The following HMBOX1 variants were observed in gnomAD, a reference collection of about 807,000 sequenced individuals.
HMBOX1 encodes the protein homeobox containing 1.
HMBOX1 carries 14 observed loss-of-function variants against 54.5 expected under a neutral mutation model. The ratio of observed to expected loss-of-function variants is 0.26; its 90% confidence interval spans 0.17 to 0.40. HMBOX1 has a LOEUF of 0.40. HMBOX1 is among the 10% of genes least tolerant of loss of function. The probability of loss-of-function intolerance (pLI) is 1.00; values close to 1 mark genes in which losing one functional copy is unlikely to be tolerated. For synonymous variants in HMBOX1, 160 were observed against 181.0 expected (o/e 0.88, Z 0.93); for missense variants, 332 against 514.4 (o/e 0.65, Z 3.43).
At chr8:29,049,950 T>C (rs1451782024) in intron 9 of HMBOX1, among the ~76,000 whole-genome samples, 3 of 152,252 alleles carry the variant, frequency 2.0e-5, no homozygotes, top group Non-Finnish European at 4.4e-5. Context: ...AAGTGTGTGC[T>C]GATCCCTTTG....
At chr8:28,917,459 A>G (rs977882394) in intron 1 of HMBOX1, among the ~76,000 whole-genome samples, 2 of 152,150 alleles carry the variant, frequency 1.3e-5, no homozygotes, top group South Asian at 4.1e-4. Context: ...TTTTTCTAGA[A>G]ACCTTAAGAT....
chr8:29,048,679 A>C (rs1339284977), intron 8 of HMBOX1: 2 of 333,596 alleles, frequency 6.0e-6, no homozygotes, highest in Non-Finnish European at 1.1e-5. Context: ...ATAGAACCCC[A>C]AGATAGGAAG....
chr8:28,899,221 G>A (rs13280242), intron 1 of HMBOX1, among the ~76,000 whole-genome samples: 99,797 of 152,042 alleles, frequency 0.66, 32,922 homozygotes, highest in East Asian at 0.75. Flanking sequence ...TATCTCTACA[G>A]TTTGGATCAC....
chr8:29,050,102 C>A (rs1806216949), intron 9 of HMBOX1: 1 of 258,926 alleles, frequency 3.9e-6, no homozygotes, highest in Non-Finnish European at 6.0e-6. Flanking sequence ...CGGAAACATT[C>A]CTCTTTTCAG....
chr8:28,920,684 ATTGTTG>A (rs1380455988), intron 1 of HMBOX1, among the ~76,000 whole-genome samples: 1 of 152,230 alleles, frequency 6.6e-6, no homozygotes, highest in African/African-American at 2.4e-5. Flanking sequence ...AAGAAGTATG[ATTGTTG>A]CCATAATAGA....
chr8:28,948,374 G>A (rs529185161), intron 1 of HMBOX1, among the ~76,000 whole-genome samples: 1 of 152,292 alleles, frequency 6.6e-6, no homozygotes, highest in South Asian at 2.1e-4. Context: ...ATGTATACAT[G>A]GGTCTCGCAG....
intron 9 of HMBOX1, chr8:29,049,253 CGT>C (rs1418230884): frequency 6.6e-7 from 1 of 1,521,638 alleles, no homozygotes; most frequent in African/African-American, 1.4e-5. Context: ...TGTGAGAGAT[CGT>C]TATTCACCCA....
chr8:28,895,009 A>G (rs1811825344), intron 1 of HMBOX1, among the ~76,000 whole-genome samples: 1 of 151,632 alleles, frequency 6.6e-6, no homozygotes, highest in South Asian at 2.1e-4. Flanking sequence ...TAACTTTTTC[A>G]CCCTTAAAAT....
In HMBOX1 at chr8:29,051,416, C is replaced by T; in HGVS notation, c.*261C>T. ...CCCCCGAGGCTAGAAAATCTTGCTG[C>T]TCCGTCTTAGCATTCCAAGAAAGTG... On this transcript the variant is annotated 3_prime_UTR_variant, in exon 10 of 10. Coordinates refer to ENST00000287701, the MANE Select transcript of HMBOX1 (RefSeq NM_001135726.3). 1 of 658,326 alleles carries T rather than the reference C, an allele frequency of 1.5e-6. No homozygotes were observed. 40.8% of individuals were successfully genotyped at this position (658,326 alleles called of 1,614,324 possible). A position where few individuals can be genotyped will look rare whatever the true frequency, so the allele number is the denominator to read the frequency against.
chr8:28,977,150 A>T (rs1828544426), intron 3 of HMBOX1, among the ~76,000 whole-genome samples: 1 of 152,158 alleles, frequency 6.6e-6, no homozygotes, highest in Non-Finnish European at 1.5e-5. Context: ...GCTGTGAATA[A>T]TTTACAAACT....
chr8:28,996,234 A>G (rs1280545927), intron 4 of HMBOX1, among the ~76,000 whole-genome samples: 5 of 152,008 alleles, frequency 3.3e-5, no homozygotes, highest in African/African-American at 7.2e-5. Flanking sequence ...ATATTAGTTC[A>G]TATATAAGTT....
chr8:28,917,985 A>G (rs1342634007), intron 1 of HMBOX1, among the ~76,000 whole-genome samples: 1 of 152,110 alleles, frequency 6.6e-6, no homozygotes, highest in Non-Finnish European at 1.5e-5. Context: ...TGGCTTTTGT[A>G]CTAGGATAAT....
chr8:28,982,997 T>G (rs1245427264), intron 4 of HMBOX1, among the ~76,000 whole-genome samples: 1 of 152,188 alleles, frequency 6.6e-6, no homozygotes, highest in Non-Finnish European at 1.5e-5. Context: ...GGATTACAGG[T>G]GTGAGCCACC....
At position 29,009,053 on chromosome 8, in the gene HMBOX1, T is replaced by G. The variant is rs1586449666; in HGVS notation, c.587-19T>G. ...TGTAATTTCAGTGCCCCCCAAAACC[T>G]ATTTCTCTTTCTACATAGGTATCAG... On this transcript the variant is annotated intron_variant, in intron 4 of 9. Transcript: ENST00000287701. The G allele has an allele frequency of 6.3e-6, 10 of 1,588,560 alleles. No homozygotes were observed. Among genetic ancestry groups the G allele is most frequent in the African/African-American group, 4.0e-5 (3 of 74,440 alleles).
intron 1 of HMBOX1, among the ~76,000 whole-genome samples, chr8:28,932,789 G>T (rs960805831): frequency 6.6e-6 from 1 of 152,180 alleles, no homozygotes; most frequent in African/African-American, 2.4e-5. Flanking sequence ...TTAGGCAGAG[G>T]TGTGGCTAGG....
intron 4 of HMBOX1, among the ~76,000 whole-genome samples, chr8:28,988,031 T>C (rs77628389): frequency 0.11 from 16,112 of 152,242 alleles, 1,038 homozygotes; most frequent in Middle Eastern, 0.16. Flanking sequence ...ATTCAAGATA[T>C]GAATATTTCA....
chr8:28,979,941 G>C lies in HMBOX1; in HGVS notation c.501-130G>C, dbSNP rs545968738. On this transcript the variant is annotated intron_variant, in intron 3 of 9. Coordinates refer to ENST00000287701, the MANE Select transcript of HMBOX1 (RefSeq NM_001135726.3). Reference sequence around the variant, plus strand: ...TAATTTCATATTTTCACACAAGTTTGGTCTGTTTACCCTTTATTTTTGTGT... The same window carrying C: ...TAATTTCATATTTTCACACAAGTTTCGTCTGTTTACCCTTTATTTTTGTGT... 15 of 659,432 alleles carry C rather than the reference G, an allele frequency of 2.3e-5. No homozygotes were observed. The East Asian group carries it at 3.4e-4, about 15-fold the overall frequency. The allele number at this position is 659,432 out of a possible 1,614,324, so 40.8% of individuals were successfully genotyped here.
Position 28,970,211 on chromosome 8 carries a change from G to A in HMBOX1, c.192G>A (p.Arg64=). Residue 64 remains arginine (R), a synonymous_variant, in exon 3 of 10, where the codon AGG becomes AGA. Transcript: ENST00000287701. The surrounding 1 kb of genome is among the most constrained non-coding windows in gnomAD (Gnocchi z 4.3). ...DQEHSDKFGR[R]SSYGGSSYGN... is the part of the protein sequence containing the mutation. ...AGCATAGTGACAAGTTTGGAAGAAG[G>A]TCCAGCTATGGAGGAAGTTCATATG... 1.2e-6 allele frequency: 2 copies of A among 1,614,178 alleles called. No individual in the cohort carries two copies. Among genetic ancestry groups the A allele is most frequent in the Non-Finnish European group, 1.7e-6 (2 of 1,180,022 alleles).
intron 7 of HMBOX1, 88 bp from the exon 8 acceptor site, chr8:29,047,270 C>A: frequency 1.3e-6 from 1 of 798,196 alleles, no homozygotes; most frequent in Non-Finnish European, 2.1e-6. Flanking sequence ...TAATCAAAAG[C>A]AACAAAATAA....
Sources: allele counts gnomAD v4.1 joint callset (sites outside exome capture counted in the v4.1 genomes callset), GRCh38; gene constraint gnomAD v4.1.1; non-coding constraint Gnocchi (gnomAD v3.1); transcripts MANE v1.5; gene names NCBI Gene and HGNC (gene_info 2026-07-23, HGNC 2026-07-21).